NRG3: variants seen among roughly 807,000 people sequenced by gnomAD.
NRG3 encodes neuregulin 3.
In NRG3, 31 loss-of-function variants were observed where a neutral mutation model predicts 66.9. The observed-to-expected ratio is 0.46, with a 90% CI of 0.35 to 0.63. NRG3 has a LOEUF of 0.63. Among genes scored for constraint, NRG3 ranks in the 20% least tolerant of loss-of-function variants. The pLI, the probability that NRG3 is intolerant of heterozygous loss-of-function variation, is 0.00. For missense variants in NRG3, 910 were observed against 878.9 expected (o/e 1.04, Z -0.45); for synonymous variants, 393 against 359.4 (o/e 1.09, Z -1.06).
At chr10:82,223,086 T>G (rs904587234) in intron 1 of NRG3, among the ~76,000 whole-genome samples, 63 of 152,218 alleles carry the variant, frequency 4.1e-4, no homozygotes, top group African/African-American at 1.4e-3. Context: ...TTTCTTCAGT[T>G]AGCAATTCAC....
At chr10:82,289,244 G>A (rs777992663) in intron 1 of NRG3, among the ~76,000 whole-genome samples, 1 of 151,994 alleles carries the variant, frequency 6.6e-6, no homozygotes, top group African/African-American at 2.4e-5. Flanking sequence ...AAGGTAACAG[G>A]ACAAAGAATC....
intron 4 of NRG3, among the ~76,000 whole-genome samples, chr10:82,895,364 C>CTT (rs1387937183): frequency 6.6e-6 from 1 of 151,832 alleles, no homozygotes; most frequent in African/African-American, 2.4e-5. Flanking sequence ...AATTTACATT[C>CTT]TTTGTTCCTG....
chr10:82,840,812 G>C (rs2063019862), intron 3 of NRG3, among the ~76,000 whole-genome samples: 2 of 152,062 alleles, frequency 1.3e-5, no homozygotes, highest in South Asian at 4.1e-4. Flanking sequence ...AGAAAGCCTG[G>C]AATTAGAGTT....
chr10:82,567,377 C>A (rs2045475233), intron 2 of NRG3, among the ~76,000 whole-genome samples: 1 of 151,922 alleles, frequency 6.6e-6, no homozygotes, highest in Non-Finnish European at 1.5e-5. Flanking sequence ...GAATCTTTAA[C>A]TAAACAATGC....
intron 1 of NRG3, among the ~76,000 whole-genome samples, chr10:82,173,736 G>GACA (rs2072816869): frequency 6.6e-6 from 1 of 150,902 alleles, no homozygotes; most frequent in African/African-American, 2.4e-5. Context: ...GACAAGGCCA[G>GACA]ACAAGAACAC....
At chr10:82,452,190 T>A (rs2091044791) in intron 2 of NRG3, among the ~76,000 whole-genome samples, 1 of 152,224 alleles carries the variant, frequency 6.6e-6, no homozygotes, top group Non-Finnish European at 1.5e-5. Flanking sequence ...TATAAACTCA[T>A]AATGATGTGT....
At chr10:82,369,331 C>T (rs1472973148) in intron 2 of NRG3, among the ~76,000 whole-genome samples, 1 of 138,394 alleles carries the variant, frequency 7.2e-6, no homozygotes, top group Non-Finnish European at 1.5e-5. Flanking sequence ...TAGGTTCTTG[C>T]TCTATTGCTT....
intron 4 of NRG3, among the ~76,000 whole-genome samples, chr10:82,893,889 T>A (rs1843406043): frequency 6.6e-6 from 1 of 151,868 alleles, no homozygotes; most frequent in East Asian, 1.9e-4. Flanking sequence ...AAGTAACTGA[T>A]AAAGAATAGA....
chr10:81,927,415 TCTGA>T (rs1846914352), intron 1 of NRG3, among the ~76,000 whole-genome samples: 2 of 152,166 alleles, frequency 1.3e-5, no homozygotes, highest in Non-Finnish European at 2.9e-5. Context: ...AAATGTCAAT[TCTGA>T]CTATTAAAAG....
intron 3 of NRG3, among the ~76,000 whole-genome samples, chr10:82,838,441 C>A (rs1294803341): frequency 6.6e-6 from 1 of 152,126 alleles, no homozygotes. Flanking sequence ...AGATGCCCAT[C>A]TCTTTCACAT....
rs139175257 is a variant in NRG3 at position 82,471,729 on chromosome 10, C to T, written c.953+112861C>T. ...CTGCCTGGCCAACATGGTGAAACCCCGTCTCTACTAAAAATACAAAAATGT... is the reference window on the plus strand; with the variant it reads ...CTGCCTGGCCAACATGGTGAAACCCTGTCTCTACTAAAAATACAAAAATGT... On this transcript the variant is annotated intron_variant, in intron 2 of 8. Transcript: ENST00000372141. 8.3e-4 allele frequency among the ~76,000 whole-genome samples: 126 copies of T among 152,024 alleles called. 2 individuals carry two copies. In the East Asian group the frequency reaches 0.019, roughly 23 times the overall value.
intron 4 of NRG3, among the ~76,000 whole-genome samples, chr10:82,876,287 G>A (rs1455315508): frequency 1.3e-5 from 2 of 151,598 alleles, no homozygotes; most frequent in Admixed American, 6.6e-5. Flanking sequence ...GCAAAATCTT[G>A]GGCAGAATTT....
chr10:82,879,232 A>G (rs1166720131), intron 4 of NRG3, among the ~76,000 whole-genome samples: 1 of 152,200 alleles, frequency 6.6e-6, no homozygotes, highest in Non-Finnish European at 1.5e-5. Context: ...TAGCATAATT[A>G]TAAAAGCTCA....
intron 1 of NRG3, among the ~76,000 whole-genome samples, chr10:82,053,802 T>C (rs1220486960): frequency 6.6e-6 from 1 of 152,166 alleles, no homozygotes; most frequent in Non-Finnish European, 1.5e-5. Context: ...GTGTTGGGTG[T>C]GCAATTTTAA....
At chr10:82,761,919 TTTC>T (rs2059324526) in intron 3 of NRG3, among the ~76,000 whole-genome samples, 1 of 140,152 alleles carries the variant, frequency 7.1e-6, no homozygotes, top group African/African-American at 2.7e-5. Flanking sequence ...TCTTTCTTTC[TTTC>T]TCTTTCTTTC....
intron 1 of NRG3, among the ~76,000 whole-genome samples, chr10:81,943,745 T>G (rs1372777159): frequency 3.3e-5 from 5 of 152,224 alleles, no homozygotes; most frequent in Admixed American, 3.3e-4. Flanking sequence ...GGCCAAAGGC[T>G]TCATCAGCTA....
At chr10:81,904,405 C>T (rs1844384449) in intron 1 of NRG3, among the ~76,000 whole-genome samples, 1 of 151,984 alleles carries the variant, frequency 6.6e-6, no homozygotes, top group Non-Finnish European at 1.5e-5. Context: ...AATTATCATC[C>T]CTGGTATAAA....
chr10:82,236,793 G>T (rs2076776792), intron 1 of NRG3, among the ~76,000 whole-genome samples: 1 of 135,626 alleles, frequency 7.4e-6, no homozygotes, highest in Non-Finnish European at 1.5e-5. Flanking sequence ...TCCGCCTACT[G>T]CAAGCTCCGC....
chr10:82,796,771 A>G (rs74416509), intron 3 of NRG3, among the ~76,000 whole-genome samples: 4,602 of 152,230 alleles, frequency 0.03, 196 homozygotes, highest in African/African-American at 0.1. Flanking sequence ...AAAGAAGAAA[A>G]GAGGAGAAAG....
Sources: allele counts gnomAD v4.1 joint callset (sites outside exome capture counted in the v4.1 genomes callset), GRCh38; gene constraint gnomAD v4.1.1; transcripts MANE v1.5; gene names NCBI Gene and HGNC (gene_info 2026-07-23, HGNC 2026-07-21).